Variants in FRMPD4 observed in about 807,000 individuals in gnomAD.
The protein encoded by FRMPD4 is FERM and PDZ domain containing 4, also known as FERM and PDZ domain-containing protein 4.
In FRMPD4, 22 loss-of-function variants were observed where a neutral mutation model predicts 94.1. The ratio of observed to expected loss-of-function variants is 0.23; its 90% CI spans 0.17 to 0.33. The LOEUF (loss-of-function observed/expected upper bound fraction) is 0.33. Among genes scored for constraint, FRMPD4 ranks in the 10% least tolerant of loss-of-function variants. The pLI is 1.00. For synonymous variants in FRMPD4, 631 were observed against 548.6 expected, an observed-to-expected ratio of 1.15 and a Z score of -2.10; for missense variants, 1,111 against 1,339.9, an observed-to-expected ratio of 0.83 and a Z score of 2.67.
At chrX:12,225,325 A>G (rs987708149) in intron 1 of FRMPD4, among the ~76,000 whole-genome samples, 8 of 112,143 alleles carry the variant, frequency 7.1e-5, no homozygotes, top group Non-Finnish European at 5.6e-5. Context: ...AATGTCCCCA[A>G]GGGAAGAGGA....
chrX:12,376,994 A>G (rs369206148), intron 1 of FRMPD4, among the ~76,000 whole-genome samples: 1 of 111,525 alleles, frequency 9.0e-6, no homozygotes, highest in Non-Finnish European at 1.9e-5. Context: ...GTCTCAGTCA[A>G]CCTCAGTCAT....
chrX:12,280,382 T>C (rs926516242), intron 1 of FRMPD4, among the ~76,000 whole-genome samples: 2 of 110,201 alleles, frequency 1.8e-5, no homozygotes, highest in African/African-American at 6.6e-5. Context: ...GGTTCTTTAT[T>C]AGTGGGAGTG....
intron 4 of FRMPD4, among the ~76,000 whole-genome samples, chrX:12,633,174 G>A (rs1365420576): frequency 1.8e-5 from 2 of 111,986 alleles, no homozygotes; most frequent in Non-Finnish European, 3.8e-5. Flanking sequence ...GAAGCCAGGA[G>A]GTAAACCCAG....
chrX:11,832,573 G>A (rs114401964), intron 1 of FRMPD4, among the ~76,000 whole-genome samples: 1,463 of 111,729 alleles, frequency 0.013, 24 homozygotes, highest in African/African-American at 0.044. Flanking sequence ...CCTCGGGGTT[G>A]GAAGGGGCTT....
chrX:11,862,603 T>G (rs2053693617), intron 1 of FRMPD4, among the ~76,000 whole-genome samples: 3 of 110,705 alleles, frequency 2.7e-5, no homozygotes, highest in African/African-American at 9.9e-5. Flanking sequence ...ACCATAAAGG[T>G]TGCTCCCTAG....
At chrX:12,350,627 G>A (rs185224804) in intron 1 of FRMPD4, among the ~76,000 whole-genome samples, 137 of 112,120 alleles carry the variant, frequency 1.2e-3, no homozygotes, top group Middle Eastern at 9.2e-3. Context: ...ACTGAATGTC[G>A]AAACAGGTTA....
rs190001606 is a variant in FRMPD4 at position 12,047,535 on chromosome X, C to T, written c.95+169517C>T. On this transcript the variant is annotated intron_variant, in intron 3 of 18. Transcript: ENST00000640291. ...ATTTTAGATTCAGATTCAGGGAGTA[C>T]ATGTGCAGGTTTGTTACCTGAGTAT... is the stretch of plus-strand genomic sequence containing the variant. Among the ~76,000 whole-genome samples the T allele has an allele frequency of 1.5e-4, 17 of 111,579 alleles. No individual in the cohort carries two copies. The South Asian group carries it at 1.9e-3, about 12-fold the overall frequency.
chrX:12,081,327 G>A (rs1446941963), intron 3 of FRMPD4, among the ~76,000 whole-genome samples: 1 of 111,947 alleles, frequency 8.9e-6, no homozygotes, highest in Non-Finnish European at 1.9e-5. Context: ...AAGCTACACT[G>A]TGGGAGGGCT....
chrX:11,986,659 C>A (rs988134504), intron 3 of FRMPD4, among the ~76,000 whole-genome samples: 10 of 110,963 alleles, frequency 9.0e-5, no homozygotes, highest in African/African-American at 3.3e-4. Context: ...AAGATAAGTA[C>A]AATTGACAAA....
chrX:11,827,132 TATATA>T (rs1269323394), intron 1 of FRMPD4, among the ~76,000 whole-genome samples: 3 of 104,360 alleles, frequency 2.9e-5, no homozygotes, highest in African/African-American at 6.9e-5. Flanking sequence ...GTGTATTTTA[TATATA>T]ATATATGTAA....
At chrX:12,651,917 G>T (rs1433559296) in intron 4 of FRMPD4, among the ~76,000 whole-genome samples, 1 of 112,401 alleles carries the variant, frequency 8.9e-6, no homozygotes, top group African/African-American at 3.2e-5. Flanking sequence ...GACACTACCT[G>T]TCTCTTCCTA....
chrX:12,153,243 A>G (rs1415354093), intron 1 of FRMPD4, among the ~76,000 whole-genome samples: 1 of 111,918 alleles, frequency 8.9e-6, no homozygotes, highest in Non-Finnish European at 1.9e-5. Context: ...TATACATTTT[A>G]TAACTTAAAT....
chrX:12,606,855 C>T lies in FRMPD4; in HGVS notation c.159-2866C>T, dbSNP rs2059135924. 2.7e-5 allele frequency among the ~76,000 whole-genome samples: 3 copies of T among 111,351 alleles called. No individual in the cohort carries two copies. In the South Asian group the frequency reaches 1.2e-3, roughly 43 times the overall value. On this transcript the variant is annotated intron_variant, in intron 2 of 16. Coordinates refer to ENST00000675598, the MANE Select transcript of FRMPD4 (RefSeq NM_001368397.1). Reference sequence around the variant, plus strand: ...GACAGAATTGTTTTCAGATGTGGCTCAAAAATGGCTTGCTCTGAAATGGTG... The same window carrying T: ...GACAGAATTGTTTTCAGATGTGGCTTAAAAATGGCTTGCTCTGAAATGGTG...
intron 3 of FRMPD4, among the ~76,000 whole-genome samples, chrX:11,914,137 T>C (rs2054010715): frequency 1.8e-5 from 2 of 111,954 alleles, no homozygotes; most frequent in Admixed American, 1.9e-4. Flanking sequence ...AGAAGGTTCA[T>C]AGATGCAGAA....
chrX:12,131,162 G>C (rs970943827), intron 3 of FRMPD4, among the ~76,000 whole-genome samples: 5 of 111,981 alleles, frequency 4.5e-5, no homozygotes, highest in Non-Finnish European at 9.4e-5. Context: ...GACCTAATAA[G>C]GCCCAGGGGA....
chrX:12,269,675 T>G (rs1005714903), intron 1 of FRMPD4, among the ~76,000 whole-genome samples: 4 of 112,105 alleles, frequency 3.6e-5, no homozygotes, highest in African/African-American at 1.3e-4. Context: ...GGAGCACTAC[T>G]GGCATCTAGT....
rs2042158748 is a variant in FRMPD4 at position 12,718,677 on chromosome X, G to A, written c.3851G>A (p.Gly1284Glu). The A allele has an allele frequency of 5.8e-6, 7 of 1,208,462 alleles. No homozygotes were observed. Among genetic ancestry groups the A allele is most frequent in the East Asian group, 3.0e-5 (1 of 33,836 alleles). ...AAGGAACTGCACCCACAGACAGAAG[G>A]GATGTGTCCACGGATGACAGTGCCT... ...TFKELHPQTE[G>E]MCPRMTVPAL... Residue 1284 changes from glycine to glutamate, a missense_variant, in exon 16 of 17, where the codon GGG becomes GAG. Gly to Glu is a moderately conservative substitution (Grantham distance 98). This residue lies in a region of FRMPD4 where 551 missense variants were observed against 591.6 expected (regional missense o/e 0.93). Coordinates refer to ENST00000675598, the MANE Select transcript of FRMPD4 (RefSeq NM_001368397.1).
At chrX:12,687,696 A>G (rs1397216065) in intron 7 of FRMPD4, among the ~76,000 whole-genome samples, 3 of 112,414 alleles carry the variant, frequency 2.7e-5, no homozygotes, top group Non-Finnish European at 5.6e-5. Flanking sequence ...CACAGGAGAG[A>G]TTGAGTGGAA....
chrX:12,479,289 G>T (rs892146721), intron 1 of FRMPD4, among the ~76,000 whole-genome samples: 2 of 106,725 alleles, frequency 1.9e-5, no homozygotes, highest in Non-Finnish European at 3.8e-5. Flanking sequence ...GAAAGGAATA[G>T]GAGAAGTAAA....
Sources: gnomAD v4.1 joint callset for allele counts (sites outside exome capture counted in the v4.1 genomes callset) on GRCh38, gnomAD v4.1.1 for gene constraint, gnomAD v4.1.1 regional missense constraint, MANE v1.5 for transcripts, NCBI Gene and HGNC (gene_info 2026-07-23, HGNC 2026-07-21) for gene names.